Variants in SYT3 observed in about 807,000 individuals in gnomAD.
SYT3 encodes the protein synaptotagmin-3.
Under a neutral mutation model 50.6 loss-of-function variants are expected in SYT3, and 25 were observed. The observed-to-expected ratio is 0.49, with a 90% CI of 0.36 to 0.69. SYT3 has a LOEUF of 0.69. SYT3 is among the 30% of genes least tolerant of loss of function. The probability of loss-of-function intolerance (pLI) is 0.00; values close to 1 mark genes in which losing one functional copy is unlikely to be tolerated. For missense variants in SYT3, 589 were observed against 793.6 expected (o/e 0.74, Z 3.10); for synonymous variants, 323 against 353.9 (o/e 0.91, Z 0.98).
chr19:50,644,063 A>G (rs1051374170), upstream of SYT3, among the ~76,000 whole-genome samples: 2 of 152,232 alleles, frequency 1.3e-5, no homozygotes, highest in African/African-American at 4.8e-5. Context: ...TCAAGCACAC[A>G]AGCCCCGTAG....
At position 50,634,727 on chromosome 19, in the gene SYT3, G is replaced by A. The variant is rs181996041; in HGVS notation, c.149-1916C>T. On this transcript the variant is annotated intron_variant, in intron 3 of 10. Transcript: ENST00000600079. ...GCCTCCTGAGTAGCTGGAACAACAA[G>A]TGGGCACCAGCATGCCTGGCTAATT... Among the ~76,000 whole-genome samples the A allele has an allele frequency of 2.8e-3, 430 of 151,888 alleles. 1 individual carries two copies. The highest frequency in any genetic ancestry group is 6.2e-3 in the African/African-American group (255 of 41,432).
At chr19:50,649,722 T>C in the SYT3 span, 1 of 657,068 alleles carries the variant, frequency 1.5e-6, no homozygotes, top group African/African-American at 1.8e-5. Context: ...CCTTGGCCAA[T>C]GCCCTGGACT....
At chr19:50,653,969 G>T in the SYT3 span, among the ~76,000 whole-genome samples, 1 of 151,970 alleles carries the variant, frequency 6.6e-6, no homozygotes, top group Non-Finnish European at 1.5e-5. Context: ...GAGCTGGGAG[G>T]GGGGGATTTT....
chr19:50,632,169 G>A lies in SYT3; in HGVS notation c.674+117C>T. 1 of 1,157,440 alleles carries A rather than the reference G, an allele frequency of 8.6e-7. No homozygotes were observed. Among genetic ancestry groups the A allele is most frequent in the Non-Finnish European group, 1.2e-6 (1 of 831,002 alleles). 71.7% of individuals were successfully genotyped at this position (1,157,440 alleles called of 1,614,324 possible). A position where few individuals can be genotyped will look rare whatever the true frequency, so the allele number is the denominator to read the frequency against. On this transcript the variant is annotated intron_variant, in intron 4 of 10. Coordinates refer to ENST00000600079, the MANE Select transcript of SYT3 (RefSeq NM_001160329.2). The surrounding 1 kb of genome is among the most constrained non-coding windows in gnomAD (Gnocchi z 4.7). The stretch of plus-strand genomic sequence containing the variant: ...AGCCTCCTCTTTCCCTAAGATCCAG[G>A]AGTCAATACCCCGATTCCCCTCCAA...
intron 6 of SYT3, among the ~76,000 whole-genome samples, chr19:50,628,321 G>A (rs1428650147): frequency 2.0e-4 from 30 of 152,180 alleles, no homozygotes; most frequent in Non-Finnish European, 3.5e-4. Flanking sequence ...AATGGGGCTG[G>A]GGAGGGATTG....
At chr19:50,649,633 A>G in the SYT3 span, 1 of 1,101,180 alleles carries the variant, frequency 9.1e-7, no homozygotes, top group South Asian at 1.3e-5. Flanking sequence ...AGCCATCCCT[A>G]GCATTCCTGG....
intron 3 of SYT3, among the ~76,000 whole-genome samples, chr19:50,633,918 C>T (rs1358876503): frequency 6.6e-6 from 1 of 152,150 alleles, no homozygotes; most frequent in African/African-American, 2.4e-5. Context: ...CTTCAGAGCC[C>T]ATGGTCTTTA....
chr19:50,638,639 A>G (rs1331350195), intron 2 of SYT3, among the ~76,000 whole-genome samples: 1 of 152,138 alleles, frequency 6.6e-6, no homozygotes, highest in African/African-American at 2.4e-5. Context: ...CGAGAGGACG[A>G]GAGACGGTGA....
At chr19:50,646,371 C>T in the SYT3 span, among the ~76,000 whole-genome samples, 1 of 151,964 alleles carries the variant, frequency 6.6e-6, no homozygotes, top group African/African-American at 2.4e-5. Context: ...CTTATGTTGG[C>T]TCGTGAAGAC....
At chr19:50,626,128 G>A in intron 6 of SYT3, 111 bp from the exon 7 acceptor site, 1 of 1,457,064 alleles carries the variant, frequency 6.9e-7, no homozygotes, top group Non-Finnish European at 9.1e-7. Flanking sequence ...CCAGGGCTCA[G>A]GCTTCCCATC....
chr19:50,651,908 A>AT, the SYT3 span, among the ~76,000 whole-genome samples: 2 of 152,146 alleles, frequency 1.3e-5, no homozygotes, highest in East Asian at 3.8e-4. Context: ...TTGTATTCAC[A>AT]TTTTTTCACA....
chr19:50,637,536 G>A lies in SYT3; in HGVS notation c.-15-110C>T. The A allele has an allele frequency of 1.1e-6, 1 of 918,344 alleles. No individual in the cohort carries two copies. Among genetic ancestry groups the A allele is most frequent in the South Asian group, 1.8e-5 (1 of 56,854 alleles). The allele number at this position is 918,344 out of a possible 1,614,324, so 56.9% of individuals were successfully genotyped here. A position where few individuals can be genotyped will look rare whatever the true frequency, so the allele number is the denominator to read the frequency against. On this transcript the variant is annotated intron_variant, in intron 2 of 10. Coordinates refer to ENST00000600079, the MANE Select transcript of SYT3 (RefSeq NM_001160329.2). This position sits in a 1 kb window ranked among gnomAD's most constrained non-coding sequence, Gnocchi z 4.9. ...AAGAGACACCGAGAAAAGGAAGGAT[G>A]GGCAAAGGGGACAGAGATTAGGGGC... is the stretch of plus-strand genomic sequence containing the variant.
chr19:50,653,673 TGA>T, the SYT3 span, among the ~76,000 whole-genome samples: 390 of 135,158 alleles, frequency 2.9e-3, no homozygotes, highest in Middle Eastern at 3.9e-3. Context: ...CTTATTGTAA[TGA>T]GAGACAGCAC....
Position 50,636,717 on chromosome 19 carries a change from G to A in SYT3, c.148+547C>T, listed in dbSNP as rs192086048. On this transcript the variant is annotated intron_variant, in intron 3 of 10. Coordinates refer to ENST00000600079, the MANE Select transcript of SYT3 (RefSeq NM_001160329.2). Reference sequence around the variant, plus strand: ...ATTATATGTTCCACAAAGGGTCACTGTGAGTAATCATTGAGATGTGCAGAG... The same window carrying A: ...ATTATATGTTCCACAAAGGGTCACTATGAGTAATCATTGAGATGTGCAGAG... 2.0e-5 allele frequency among the ~76,000 whole-genome samples: 3 copies of A among 152,358 alleles called. No homozygotes were observed. In the East Asian group the frequency reaches 5.8e-4, roughly 29 times the overall value.
chr19:50,651,783 GTTAAT>G, the SYT3 span, among the ~76,000 whole-genome samples: 1 of 151,420 alleles, frequency 6.6e-6, no homozygotes, highest in Non-Finnish European at 1.5e-5. Flanking sequence ...TTATGCTTAT[GTTAAT>G]TTAATTACAC....
the SYT3 span, chr19:50,657,951 G>A: frequency 6.7e-7 from 1 of 1,494,380 alleles, no homozygotes. Context: ...AATGAACCAG[G>A]AGGCCACGGG....
chr19:50,624,465 C>A (rs554862347), intron 9 of SYT3, among the ~76,000 whole-genome samples: 193 of 151,992 alleles, frequency 1.3e-3, no homozygotes, highest in Non-Finnish European at 2.1e-3. Flanking sequence ...ATAACACTTT[C>A]TAAAGCTACT....
intron 2 of SYT3, among the ~76,000 whole-genome samples, chr19:50,638,404 T>C (rs1984563817): frequency 6.7e-6 from 1 of 150,090 alleles, no homozygotes. Flanking sequence ...TGGATAGGTA[T>C]GGTGGGAGCT....
intron 2 of SYT3, among the ~76,000 whole-genome samples, chr19:50,638,632 G>C (rs753275137): frequency 1.3e-5 from 2 of 152,182 alleles, no homozygotes; most frequent in Non-Finnish European, 2.9e-5. Context: ...TGAGAGACGA[G>C]AGGACGAGAG....
Sources: allele counts gnomAD v4.1 joint callset (sites outside exome capture counted in the v4.1 genomes callset), GRCh38; gene constraint gnomAD v4.1.1; non-coding constraint Gnocchi (gnomAD v3.1); transcripts MANE v1.5; gene names NCBI Gene and HGNC (gene_info 2026-07-23, HGNC 2026-07-21).